Variants in MTMR10 observed in about 807,000 individuals in gnomAD.
MTMR10 encodes the protein myotubularin-related protein 10.
A neutral mutation model predicts 88.1 loss-of-function variants in MTMR10; 56 were observed. The ratio of observed to expected loss-of-function variants is 0.64; its 90% CI spans 0.51 to 0.79. The LOEUF (loss-of-function observed/expected upper bound fraction) is 0.79, where lower values mean the gene tolerates loss of function less well. Ranked by LOEUF, MTMR10 falls within the 30% of genes least tolerant of loss-of-function variation. The pLI is 0.00. For missense variants in MTMR10, 883 were observed against 924.7 expected, an observed-to-expected ratio of 0.95 and a Z score of 0.58; for synonymous variants, 380 against 340.9, an observed-to-expected ratio of 1.11 and a Z score of -1.26.
At chr15:30,943,786 G>C in intron 14 of MTMR10, 2 of 985,450 alleles carry the variant, frequency 2.0e-6, no homozygotes, top group Non-Finnish European at 2.4e-6. Flanking sequence ...ACCGCATTGT[G>C]AGGAAGACAT....
chr15:30,919,726 A>T, the MTMR10 span, among the ~76,000 whole-genome samples: 2 of 151,312 alleles, frequency 1.3e-5, no homozygotes, highest in Admixed American at 1.3e-4. Context: ...CATAAGGAAG[A>T]GAAAACATAT....
rs2141053426 is a variant in MTMR10 at position 30,976,970 on chromosome 15, A to C, written c.122-15T>G. The C allele has an allele frequency of 6.2e-7, 1 of 1,608,648 alleles. No homozygotes were observed. Among genetic ancestry groups the C allele is most frequent in the South Asian group, 1.1e-5 (1 of 90,590 alleles). ...GACAATTTCTCCTTTAAAAAAAGAA[A>C]AATATTTGTAAGGTACTTTGTCATA... is the stretch of plus-strand genomic sequence containing the variant. On this transcript the variant is annotated splice_polypyrimidine_tract_variant and intron_variant, in intron 2 of 15. Coordinates refer to ENST00000435680, the MANE Select transcript of MTMR10 (RefSeq NM_017762.3).
chr15:30,968,653 T>G (rs2141037673), intron 5 of MTMR10, among the ~76,000 whole-genome samples: 1 of 151,810 alleles, frequency 6.6e-6, no homozygotes, highest in South Asian at 2.1e-4. Context: ...ATCAAACAGA[T>G]CAGGGGGCTT....
chr15:30,978,970 TA>T (rs1477348289), intron 2 of MTMR10, among the ~76,000 whole-genome samples: 2 of 152,172 alleles, frequency 1.3e-5, no homozygotes, highest in African/African-American at 2.4e-5. Context: ...TCCTTGAACA[TA>T]AACCTCACCA....
intron 6 of MTMR10, among the ~76,000 whole-genome samples, chr15:30,963,085 C>G (rs2063424648): frequency 6.6e-6 from 1 of 152,150 alleles, no homozygotes. Context: ...AACGTAACTT[C>G]TAGCCACACA....
At chr15:30,975,096 T>C (rs1409947056) in intron 3 of MTMR10, 93 bp from the exon 4 acceptor site, 2 of 974,780 alleles carry the variant, frequency 2.1e-6, no homozygotes, top group African/African-American at 3.3e-5. Flanking sequence ...ACTGTGACAG[T>C]TATCTCTAAA....
intron 6 of MTMR10, among the ~76,000 whole-genome samples, chr15:30,963,441 T>C (rs1300132228): frequency 6.6e-6 from 1 of 151,702 alleles, no homozygotes; most frequent in Non-Finnish European, 1.5e-5. Context: ...CCATCTTGGC[T>C]AACACGGTGA....
rs1201019054 is a variant in MTMR10 at position 30,941,855 on chromosome 15, G to C, written c.1949C>G (p.Ser650Cys). ...TTTCCACAGTTTTATGTGTGTTCCA[G>C]AGACACGTGGCAGAATAACACCGTG... ...NLHGVILPRV[S>C]GTHIKLWKLC... The change falls in exon 16 of 16, where the codon TCT (serine) becomes TGT (cysteine). Residue 650 changes from serine to cysteine, a missense_variant. Ser to Cys is a moderately radical substitution (Grantham distance 112). This residue lies in a region of MTMR10 where 343 missense variants were observed against 323.2 expected (regional missense o/e 1.06). Transcript: ENST00000435680. 3 of 1,613,932 alleles carry C rather than the reference G, an allele frequency of 1.9e-6. No homozygotes were observed. The African/African-American group carries it at 4.0e-5, about 22-fold the overall frequency.
the MTMR10 span, chr15:30,925,347 G>A: frequency 1.3e-6 from 2 of 1,502,716 alleles, no homozygotes; most frequent in African/African-American, 2.8e-5. Context: ...TGGTTTTTTT[G>A]GACCAGAAGC....
intron 5 of MTMR10, among the ~76,000 whole-genome samples, chr15:30,970,126 T>C (rs1373320534): frequency 6.6e-6 from 1 of 152,162 alleles, no homozygotes; most frequent in Non-Finnish European, 1.5e-5. Context: ...ACTTCTACCA[T>C]GAAGGTCAAT....
At chr15:30,925,835 CTG>C in the MTMR10 span, 3 of 1,614,234 alleles carry the variant, frequency 1.9e-6, no homozygotes, top group Admixed American at 3.3e-5. Flanking sequence ...ATGTGCAAGT[CTG>C]TGTTTGTGAT....
chr15:30,991,244 C>T (rs1037083655), intron 1 of MTMR10: 1 of 516,784 alleles, frequency 1.9e-6, no homozygotes, highest in Non-Finnish European at 3.3e-6. Context: ...AGAATGGCTG[C>T]AGAAGAGTTT....
At chr15:30,987,692 AT>A (rs201146149) in intron 2 of MTMR10, among the ~76,000 whole-genome samples, 8,554 of 141,684 alleles carry the variant, frequency 0.06, 329 homozygotes, top group Admixed American at 0.13. Flanking sequence ...TTTTTTTTTT[AT>A]TTTTTTTTTT....
chr15:30,925,753 C>T, the MTMR10 span: 2 of 1,611,500 alleles, frequency 1.2e-6, no homozygotes, highest in Non-Finnish European at 1.7e-6. Context: ...TTTTGCTGAC[C>T]TGAGGCTAAT....
chr15:30,927,202 C>T, the MTMR10 span: 1 of 973,348 alleles, frequency 1.0e-6, no homozygotes, highest in Non-Finnish European at 1.2e-6. Flanking sequence ...GAGTGAGACC[C>T]TGTCTCAAAA....
intron 13 of MTMR10, among the ~76,000 whole-genome samples, chr15:30,947,854 C>A (rs1196919969): frequency 6.6e-6 from 1 of 152,148 alleles, no homozygotes; most frequent in South Asian, 2.1e-4. Context: ...ACCTGCCTGG[C>A]CGGTAAGATA....
chr15:30,986,190 G>C (rs897591351), intron 2 of MTMR10, among the ~76,000 whole-genome samples: 2 of 151,964 alleles, frequency 1.3e-5, no homozygotes, highest in African/African-American at 4.8e-5. Flanking sequence ...GGTGGCGCAC[G>C]TCTGTAGTCC....
intron 14 of MTMR10, chr15:30,946,792 TGTC>T: frequency 1.4e-6 from 1 of 700,556 alleles, no homozygotes; most frequent in East Asian, 2.7e-5. Context: ...AGGAAATAAA[TGTC>T]GTGTAACAGG....
chr15:30,952,865 A>G (rs1048109205), intron 11 of MTMR10, among the ~76,000 whole-genome samples: 4 of 151,802 alleles, frequency 2.6e-5, no homozygotes, highest in Admixed American at 6.6e-5. Context: ...TCTTGACTCA[A>G]TGCAACCTCT....
Sources: allele counts gnomAD v4.1 joint callset (sites outside exome capture counted in the v4.1 genomes callset), GRCh38; gene constraint gnomAD v4.1.1; regional missense constraint gnomAD v4.1.1; transcripts MANE v1.5; gene names NCBI Gene and HGNC (gene_info 2026-07-23, HGNC 2026-07-21).